Variants in NPTN observed in about 807,000 individuals in gnomAD.
NPTN encodes SDR-1.
In NPTN, 5 loss-of-function variants were observed where a neutral mutation model predicts 42.7. The observed-to-expected ratio is 0.12, with a 90% CI of 0.06 to 0.25. The LOEUF (loss-of-function observed/expected upper bound fraction) is 0.25, where lower values mean the gene tolerates loss of function less well. NPTN is among the 10% of genes least tolerant of loss of function. The pLI, the probability that NPTN is intolerant of heterozygous loss-of-function variation, is 1.00. For synonymous variants in NPTN, 180 were observed against 201.9 expected (o/e 0.89, Z 0.92); for missense variants, 307 against 525.4 (o/e 0.58, Z 4.06).
intron 1 of NPTN, among the ~76,000 whole-genome samples, chr15:73,611,103 G>C (rs1897555815): frequency 6.6e-6 from 1 of 152,238 alleles, no homozygotes; most frequent in Admixed American, 6.5e-5. Flanking sequence ...CACTGAGCCA[G>C]AGTCCAAAGA....
intron 2 of NPTN, among the ~76,000 whole-genome samples, chr15:73,593,356 A>C (rs187941427): frequency 1.5e-4 from 23 of 152,252 alleles, no homozygotes; most frequent in Admixed American, 3.3e-4. Flanking sequence ...TTCCAGGTGA[A>C]GTCTACACTA....
chr15:73,594,951 T>TAA lies in NPTN; in HGVS notation c.439+2069_439+2070dup, dbSNP rs770131038. 3.0e-3 allele frequency among the ~76,000 whole-genome samples: 391 copies of TAA among 128,894 alleles called. 2 individuals are homozygous for TAA. Among genetic ancestry groups the TAA allele is most frequent in the African/African-American group, 0.01 (359 of 35,256 alleles). 84.6% of individuals were successfully genotyped at this position (128,894 alleles called of 152,430 possible). On this transcript the variant is annotated intron_variant, in intron 2 of 8. Transcript: ENST00000345330. ...AATTAGAGTTGGATCCAGGGTGTTT[T>TAA]AAAAAAAAAAAAAAAAAAGCAGCAG...
At position 73,605,107 on chromosome 15, in the gene NPTN, G is replaced by GGGC. The variant is rs1566980472; in HGVS notation, c.92-7739_92-7738insGCC. ...GTAGAGACCCTGTCTCAAGGGGGGG[G>GGGC]GGGGAAAAGAATGATCTAAACTAGT... On this transcript the variant is annotated intron_variant, in intron 1 of 8. Transcript: ENST00000345330. 1.3e-4 allele frequency among the ~76,000 whole-genome samples: 19 copies of GGGC among 145,452 alleles called. 1 individual carries two copies. Among genetic ancestry groups the GGGC allele is most frequent in the African/African-American group, 5.2e-4 (19 of 36,382 alleles).
chr15:73,590,296 A>ATG (rs1002939049), intron 3 of NPTN, among the ~76,000 whole-genome samples: 3 of 152,136 alleles, frequency 2.0e-5, no homozygotes, highest in Admixed American at 2.0e-4. Context: ...AACTCTAGAG[A>ATG]TACACAACAC....
intron 1 of NPTN, among the ~76,000 whole-genome samples, chr15:73,610,031 A>C (rs1186785440): frequency 6.6e-6 from 1 of 152,046 alleles, no homozygotes; most frequent in Non-Finnish European, 1.5e-5. Context: ...TTGTGTCCTT[A>C]AACAAATCCC....
chr15:73,608,393 A>T (rs1897389484), intron 1 of NPTN, among the ~76,000 whole-genome samples: 1 of 152,234 alleles, frequency 6.6e-6, no homozygotes, highest in Non-Finnish European at 1.5e-5. Context: ...TGAAATCTAA[A>T]TCTAGCCTTG....
At chr15:73,623,635 A>C (rs1595971788) in intron 1 of NPTN, among the ~76,000 whole-genome samples, 2 of 152,268 alleles carry the variant, frequency 1.3e-5, no homozygotes, top group South Asian at 4.1e-4. Context: ...TGCAGTGAGT[A>C]ATGATCACGC....
intron 4 of NPTN, among the ~76,000 whole-genome samples, chr15:73,582,861 C>T (rs754202603): frequency 1.3e-5 from 2 of 152,212 alleles, no homozygotes; most frequent in Non-Finnish European, 2.9e-5. Flanking sequence ...CTCTCCCAGC[C>T]TACATCCTTC....
At position 73,578,555 on chromosome 15, in the gene NPTN, G is replaced by C. The variant is rs1195600155; in HGVS notation, c.707-4760C>G. 1.4e-4 allele frequency among the ~76,000 whole-genome samples: 21 copies of C among 152,152 alleles called. 1 individual carries two copies. The highest frequency in any genetic ancestry group is 1.4e-3 in the Admixed American group (21 of 15,278). ...ATGGAGTTGACAGTTACTAAGATGA[G>C]GAAAATTGCAAAAGAATAAGAGTGT... On this transcript the variant is annotated intron_variant, in intron 4 of 8. Transcript: ENST00000345330.
intron 6 of NPTN, chr15:73,567,485 T>A: frequency 1.0e-6 from 1 of 985,376 alleles, no homozygotes; most frequent in Non-Finnish European, 1.2e-6. Flanking sequence ...TATATCTATA[T>A]GAAAATTTGG....
chr15:73,572,203 A>C (rs1051276266), intron 5 of NPTN, among the ~76,000 whole-genome samples: 8 of 152,256 alleles, frequency 5.3e-5, no homozygotes, highest in Non-Finnish European at 8.8e-5. Flanking sequence ...AACTAGATAC[A>C]ACTCTTGGTT....
chr15:73,613,005 G>A (rs1897666987), intron 1 of NPTN, among the ~76,000 whole-genome samples: 1 of 152,170 alleles, frequency 6.6e-6, no homozygotes, highest in Non-Finnish European at 1.5e-5. Context: ...AAGGGGTGCT[G>A]TTAATAATTC....
intron 1 of NPTN, among the ~76,000 whole-genome samples, chr15:73,626,436 T>C (rs1388677648): frequency 6.6e-6 from 1 of 152,206 alleles, no homozygotes; most frequent in Non-Finnish European, 1.5e-5. Flanking sequence ...AAACAGAAAG[T>C]GTTATCATCT....
At chr15:73,631,521 C>T (rs1898743438) in intron 1 of NPTN, among the ~76,000 whole-genome samples, 2 of 152,102 alleles carry the variant, frequency 1.3e-5, no homozygotes, top group Admixed American at 1.3e-4. Context: ...ATCCTTTATT[C>T]GTTTTAGGAA....
chr15:73,598,874 C>A (rs1398969812), intron 1 of NPTN, among the ~76,000 whole-genome samples: 1 of 152,126 alleles, frequency 6.6e-6, no homozygotes, highest in Non-Finnish European at 1.5e-5. Flanking sequence ...TGTTTACATC[C>A]ATAGCAGTAT....
intron 1 of NPTN, among the ~76,000 whole-genome samples, chr15:73,610,630 GA>G (rs1253766586): frequency 1.3e-5 from 2 of 152,132 alleles, no homozygotes; most frequent in African/African-American, 4.8e-5. Flanking sequence ...AAAGAGTACT[GA>G]AAAGAAACAA....
At chr15:73,612,245 C>G (rs1340898660) in intron 1 of NPTN, among the ~76,000 whole-genome samples, 1 of 151,716 alleles carries the variant, frequency 6.6e-6, no homozygotes, top group Non-Finnish European at 1.5e-5. Context: ...ATAGGGAGAC[C>G]CTGTGTCTTA....
chr15:73,565,865 C>T (rs1335269581), intron 6 of NPTN: 4 of 453,168 alleles, frequency 8.8e-6, no homozygotes, highest in Non-Finnish European at 1.8e-5. Context: ...GCCTCATCAT[C>T]TAGAAGGGGT....
chr15:73,596,538 G>C (rs1367438274), intron 2 of NPTN, among the ~76,000 whole-genome samples: 1 of 152,160 alleles, frequency 6.6e-6, no homozygotes, highest in Non-Finnish European at 1.5e-5. Context: ...GAAATAAAAA[G>C]TAGTTAGACT....
Sources: allele counts gnomAD v4.1 joint callset (sites outside exome capture counted in the v4.1 genomes callset), GRCh38; gene constraint gnomAD v4.1.1; transcripts MANE v1.5; gene names NCBI Gene and HGNC (gene_info 2026-07-23, HGNC 2026-07-21).